The following ST3GAL5 variants were observed in gnomAD, a reference collection of about 807,000 sequenced individuals.
ST3GAL5 encodes ST3 beta-galactoside alpha-2,3-sialyltransferase 5, also known as lactosylceramide alpha-2,3-sialyltransferase.
Under a neutral mutation model 46.1 loss-of-function variants are expected in ST3GAL5, and 25 were observed. The ratio of observed to expected loss-of-function variants is 0.54; its 90% confidence interval spans 0.40 to 0.76. The LOEUF is 0.76. Ranked by LOEUF, ST3GAL5 falls within the 30% of genes least tolerant of loss-of-function variation. The pLI, the probability that ST3GAL5 is intolerant of heterozygous loss-of-function variation, is 0.00. For synonymous variants in ST3GAL5, 182 were observed against 192.7 expected, an observed-to-expected ratio of 0.94 and a Z score of 0.46; for missense variants, 431 against 521.2, an observed-to-expected ratio of 0.83 and a Z score of 1.69.
intron 1 of ST3GAL5, among the ~76,000 whole-genome samples, chr2:85,871,032 A>G (rs1293601672): frequency 1.4e-5 from 2 of 144,508 alleles, no homozygotes; most frequent in African/African-American, 5.0e-5. Context: ...CACCTCAACC[A>G]TTTATCTTTT....
In ST3GAL5 at chr2:85,839,982, A is replaced by T; in HGVS notation, c.*162T>A. The T allele has an allele frequency of 9.8e-7, 1 of 1,025,194 alleles. No homozygotes were observed. Among genetic ancestry groups the T allele is most frequent in the East Asian group, 2.6e-5 (1 of 38,124 alleles). The allele number at this position is 1,025,194 out of a possible 1,614,324, so 63.5% of individuals were successfully genotyped here. On this transcript the variant is annotated 3_prime_UTR_variant, in exon 7 of 7. Coordinates refer to ENST00000638572, the MANE Select transcript of ST3GAL5 (RefSeq NM_003896.4). ...ACACTGACCTCAAATAAATAGGAAAAAAAAAGTGGGAAGAGCTAAAATTTT... is the reference window on the plus strand; with the variant it reads ...ACACTGACCTCAAATAAATAGGAAATAAAAAGTGGGAAGAGCTAAAATTTT...
intron 3 of ST3GAL5, chr2:85,851,434 G>T (rs1006747580): frequency 1.2e-4 from 145 of 1,217,062 alleles, no homozygotes; most frequent in Non-Finnish European, 1.5e-4. Flanking sequence ...GGCTTTTTCT[G>T]TAGAGAGCTC....
At chr2:85,883,408 A>T (rs1558712572) in intron 1 of ST3GAL5, among the ~76,000 whole-genome samples, 1 of 152,226 alleles carries the variant, frequency 6.6e-6, no homozygotes, top group Non-Finnish European at 1.5e-5. Flanking sequence ...TTCCCCAGCC[A>T]CGTGGAACTG....
intron 3 of ST3GAL5, among the ~76,000 whole-genome samples, chr2:85,856,642 T>TCACTGTAATCTCA (rs1684144001): frequency 6.6e-6 from 1 of 151,970 alleles, no homozygotes; most frequent in Admixed American, 6.5e-5. Flanking sequence ...TGATTATAGC[T>TCACTGTAATCTCA]CACTGTAATC....
At chr2:85,885,897 C>T (rs1191514939) in intron 1 of ST3GAL5, among the ~76,000 whole-genome samples, 1 of 152,094 alleles carries the variant, frequency 6.6e-6, no homozygotes, top group African/African-American at 2.4e-5. Flanking sequence ...AATACCATGC[C>T]TAGGTATGGA....
intron 1 of ST3GAL5, chr2:85,866,311 C>T (rs1215395222): frequency 6.6e-6 from 1 of 152,264 alleles, no homozygotes; most frequent in Non-Finnish European, 1.5e-5. Context: ...TCATTCTCAA[C>T]CCCAGTCAAT....
chr2:85,847,220 C>G (rs1228480896), intron 4 of ST3GAL5, among the ~76,000 whole-genome samples: 2 of 152,194 alleles, frequency 1.3e-5, no homozygotes, highest in African/African-American at 4.8e-5. Context: ...CCAGGACTCA[C>G]TGGCCCCAAG....
intron 1 of ST3GAL5, among the ~76,000 whole-genome samples, chr2:85,875,217 C>T (rs1347902767): frequency 2.0e-5 from 3 of 151,990 alleles, no homozygotes; most frequent in Admixed American, 6.6e-5. Context: ...ACCACCACAC[C>T]CGGCTACATT....
intron 1 of ST3GAL5, among the ~76,000 whole-genome samples, chr2:85,879,096 A>C (rs1686885043): frequency 6.6e-6 from 1 of 152,180 alleles, no homozygotes; most frequent in African/African-American, 2.4e-5. Context: ...AGTGGTTCTT[A>C]AGTAGGAGAG....
chr2:85,840,849 C>A (rs1439095491), intron 6 of ST3GAL5, among the ~76,000 whole-genome samples: 1 of 144,112 alleles, frequency 6.9e-6, no homozygotes, highest in Non-Finnish European at 1.5e-5. Context: ...GAGGCTGAGG[C>A]AGGAGAATCA....
chr2:85,866,862 G>GAATGA (rs1286573645), intron 1 of ST3GAL5, among the ~76,000 whole-genome samples: 3 of 152,158 alleles, frequency 2.0e-5, no homozygotes, highest in Non-Finnish European at 2.9e-5. Flanking sequence ...ATCTCGAATG[G>GAATGA]AATGAAATGT....
intron 3 of ST3GAL5, among the ~76,000 whole-genome samples, chr2:85,857,135 C>T (rs1412836021): frequency 1.4e-5 from 2 of 145,792 alleles, no homozygotes. Flanking sequence ...GTCCCAGCTA[C>T]TCAGGAGGCT....
intron 4 of ST3GAL5, 40 bp downstream of exon 4, chr2:85,847,818 CAAT>C (rs776109015): frequency 6.2e-7 from 1 of 1,604,610 alleles, no homozygotes. Flanking sequence ...AAAATAAAAA[CAAT>C]AAAAATAAGT....
intron 1 of ST3GAL5, among the ~76,000 whole-genome samples, chr2:85,886,260 G>A (rs1200702020): frequency 6.6e-6 from 1 of 152,186 alleles, no homozygotes; most frequent in Admixed American, 6.5e-5. Flanking sequence ...AGTGGGAGCC[G>A]TCTCTACAAA....
Position 85,839,884 on chromosome 2 carries a change from C to T in ST3GAL5, c.*260G>A, listed in dbSNP as rs112475538. On this transcript the variant is annotated 3_prime_UTR_variant, in exon 7 of 7. Coordinates refer to ENST00000638572, the MANE Select transcript of ST3GAL5 (RefSeq NM_003896.4). ...CTTAAAAATCAATACAACATCGTTA[C>T]ATACAATTCTCTTTGAGAAGTCTTT... 5.7e-6 allele frequency: 3 copies of T among 524,094 alleles called. No individual in the cohort carries two copies. The South Asian group carries it at 6.3e-5, about 11-fold the overall frequency. 32.5% of individuals were successfully genotyped at this position (524,094 alleles called of 1,614,324 possible). A position where few individuals can be genotyped will look rare whatever the true frequency, so the allele number is the denominator to read the frequency against.
intron 1 of ST3GAL5, among the ~76,000 whole-genome samples, chr2:85,879,774 G>A (rs540690746): frequency 2.6e-4 from 39 of 152,190 alleles, no homozygotes; most frequent in Non-Finnish European, 5.0e-4. Flanking sequence ...TTAACAAAAA[G>A]CAATTCTGGG....
intron 3 of ST3GAL5, chr2:85,849,176 G>C (rs747807931): frequency 6.6e-6 from 1 of 152,264 alleles, no homozygotes; most frequent in Non-Finnish European, 1.5e-5. Context: ...CCAGGAGTTC[G>C]AGGCTAGCCT....
At chr2:85,849,044 T>A (rs1328991551) in intron 3 of ST3GAL5, 3 of 152,480 alleles carry the variant, frequency 2.0e-5, no homozygotes, top group African/African-American at 7.2e-5. Context: ...ATATGCATTT[T>A]AATGTTTTGC....
chr2:85,872,907 G>A (rs1474954549), intron 1 of ST3GAL5, among the ~76,000 whole-genome samples: 1 of 152,230 alleles, frequency 6.6e-6, no homozygotes, highest in African/African-American at 2.4e-5. Context: ...CAAGAAGACA[G>A]TGTTGGGATG....
Sources: gnomAD v4.1 joint callset for allele counts (sites outside exome capture counted in the v4.1 genomes callset) on GRCh38, gnomAD v4.1.1 for gene constraint, MANE v1.5 for transcripts, NCBI Gene and HGNC (gene_info 2026-07-23, HGNC 2026-07-21) for gene names.